The following TMEM231 variants were observed in gnomAD, a reference collection of about 807,000 sequenced individuals.
TMEM231 encodes the protein transmembrane protein 231.
A neutral mutation model predicts 38.5 loss-of-function variants in TMEM231; 40 were observed. The ratio of observed to expected loss-of-function variants is 1.04; its 90% CI spans 0.81 to 1.35. TMEM231 has a LOEUF of 1.35. Among genes scored for constraint, TMEM231 ranks in the 40% most tolerant of loss-of-function variants. The pLI, the probability that TMEM231 is intolerant of heterozygous loss-of-function variation, is 0.00. For missense variants in TMEM231, 420 were observed against 416.9 expected (o/e 1.01, Z -0.07); for synonymous variants, 199 against 181.7 (o/e 1.10, Z -0.77).
chr16:75,550,717 CTTT>C (rs35806847), intron 2 of TMEM231, among the ~76,000 whole-genome samples: 107 of 138,792 alleles, frequency 7.7e-4, no homozygotes, highest in East Asian at 2.1e-3. Flanking sequence ...AAGTCGTATT[CTTT>C]TTTTTTTTTT....
chr16:75,542,519 G>C (rs540963472), intron 5 of TMEM231, 83 bp downstream of exon 5: 2 of 1,122,410 alleles, frequency 1.8e-6, no homozygotes, highest in Non-Finnish European at 2.7e-6. Flanking sequence ...CATCACAAGG[G>C]TTCCAGTTCT....
chr16:75,542,810 C>G lies in TMEM231; in HGVS notation c.583-127G>C, dbSNP rs1482614741. The stretch of plus-strand genomic sequence containing the variant: ...TGTTCTTGGTGGCCTACTGCAGTAT[C>G]AATAATCTTTTCTTCAAAGATGAAT... On this transcript the variant is annotated intron_variant, in intron 4 of 6. Coordinates refer to ENST00000258173, the MANE Select transcript of TMEM231 (RefSeq NM_001077418.3). 3 of 688,794 alleles carry G rather than the reference C, an allele frequency of 4.4e-6. No homozygotes were observed. In the African/African-American group the frequency reaches 5.5e-5, roughly 13 times the overall value. The allele number at this position is 688,794 out of a possible 1,614,324, so 42.7% of individuals were successfully genotyped here. A position where few individuals can be genotyped will look rare whatever the true frequency, so the allele number is the denominator to read the frequency against.
At chr16:75,540,210 TTAAG>T (rs1411947142) in intron 6 of TMEM231, 36 bp from the exon 7 acceptor site, 1 of 1,570,498 alleles carries the variant, frequency 6.4e-7, no homozygotes, top group Non-Finnish European at 8.6e-7. Flanking sequence ...CCACATGGTG[TTAAG>T]TATGAAGAGA....
intron 2 of TMEM231, among the ~76,000 whole-genome samples, chr16:75,550,771 G>A (rs2080750840): frequency 6.8e-6 from 1 of 147,570 alleles, no homozygotes; most frequent in Non-Finnish European, 1.5e-5. Flanking sequence ...GTTGGAGTAT[G>A]GGTGGTGCAA....
chr16:75,544,536 C>A (rs1031530777), intron 4 of TMEM231, among the ~76,000 whole-genome samples: 6 of 152,088 alleles, frequency 3.9e-5, no homozygotes, highest in African/African-American at 1.4e-4. Context: ...GGGGAAAGGA[C>A]AATGCAGGCA....
At chr16:75,549,006 A>C (rs1480578649) in intron 2 of TMEM231, among the ~76,000 whole-genome samples, 7 of 152,204 alleles carry the variant, frequency 4.6e-5, no homozygotes. Context: ...CAGGCTAATC[A>C]GGTACATGTG....
At chr16:75,541,091 G>C (rs1349151036) in intron 6 of TMEM231, among the ~76,000 whole-genome samples, 1 of 152,056 alleles carries the variant, frequency 6.6e-6, no homozygotes, top group African/African-American at 2.4e-5. Context: ...ATCGCTCACT[G>C]CAAGCTTGAA....
Position 75,539,362 on chromosome 16 carries a change from T to C in TMEM231, c.*632A>G, listed in dbSNP as rs1217790529. ...ATCCAGGGCTGCTCAGCTGAGCTGA[T>C]GACAGATGACTGACTGTTGGGCTGG... On this transcript the variant is annotated 3_prime_UTR_variant, in exon 7 of 7. Coordinates refer to ENST00000258173, the MANE Select transcript of TMEM231 (RefSeq NM_001077418.3). 3 of 152,314 alleles carry C rather than the reference T, an allele frequency of 2.0e-5. No homozygotes were observed. Among genetic ancestry groups the C allele is most frequent in the Admixed American group, 2.0e-4 (3 of 15,284 alleles). The allele number at this position is 152,314 out of a possible 1,614,324, so 9.4% of individuals were successfully genotyped here.
chr16:75,549,029 G>A (rs562481621), intron 2 of TMEM231, among the ~76,000 whole-genome samples: 1 of 152,258 alleles, frequency 6.6e-6, no homozygotes, highest in South Asian at 2.1e-4. Flanking sequence ...CTGGGTACCC[G>A]TGGGATCAAT....
At position 75,541,343 on chromosome 16, in the gene TMEM231, A is replaced by G; in HGVS notation, c.770+7T>C. 1 of 1,597,126 alleles carries G rather than the reference A, an allele frequency of 6.3e-7. No homozygotes were observed. The highest frequency in any genetic ancestry group is 8.6e-7 in the Non-Finnish European group (1 of 1,168,158). On this transcript the variant is annotated splice_region_variant and intron_variant, in intron 6 of 6. Transcript: ENST00000258173. ...CCTTAACATGGACTCTTTAACAGAA[A>G]GGATATGAAATGACTTCCACAGGGT...
intron 4 of TMEM231, among the ~76,000 whole-genome samples, chr16:75,543,092 A>C (rs1267565660): frequency 6.6e-6 from 1 of 151,960 alleles, no homozygotes. Flanking sequence ...ATTTTAACAG[A>C]CCGTATTTTC....
At chr16:75,546,210 T>G in intron 2 of TMEM231, 1 of 1,034,076 alleles carries the variant, frequency 9.7e-7, no homozygotes, top group African/African-American at 1.6e-5. Context: ...ACAAAAAACA[T>G]CTGGATAGTA....
chr16:75,539,895 C>T lies in TMEM231; in HGVS notation c.*99G>A, dbSNP rs371104425. 3.9e-5 allele frequency: 41 copies of T among 1,053,172 alleles called. No homozygotes were observed. The highest frequency in any genetic ancestry group is 3.3e-4 in the African/African-American group (21 of 62,734). The allele number at this position is 1,053,172 out of a possible 1,614,324, so 65.2% of individuals were successfully genotyped here. On this transcript the variant is annotated 3_prime_UTR_variant, in exon 7 of 7. Coordinates refer to ENST00000258173, the MANE Select transcript of TMEM231 (RefSeq NM_001077418.3). ...TCTCTGAGGGAAAAGCACACAAGCC[C>T]GCAGGTGTCCGCTGGGCTCTTTCAA...
intron 4 of TMEM231, among the ~76,000 whole-genome samples, 161 bp downstream of exon 4, chr16:75,545,191 A>C (rs1308161242): frequency 6.6e-6 from 1 of 151,990 alleles, no homozygotes; most frequent in Non-Finnish European, 1.5e-5. Flanking sequence ...CCGGACCTCA[A>C]GTGATCCATC....
intron 2 of TMEM231, 153 bp from the exon 3 acceptor site, chr16:75,546,107 G>A (rs1567436932): frequency 1.3e-6 from 2 of 1,540,134 alleles, no homozygotes; most frequent in South Asian, 1.2e-5. Flanking sequence ...AGATGTAAGT[G>A]CATTAATACT....
Position 75,545,478 on chromosome 16 carries a change from C to T in TMEM231, c.456G>A (p.Val152=), listed in dbSNP as rs571562822. The change falls in exon 4 of 7, where the codon GTG becomes GTA. Residue 152 remains valine (V), a synonymous_variant. Coordinates refer to ENST00000258173, the MANE Select transcript of TMEM231 (RefSeq NM_001077418.3). ...SYRLHRMATL[V]MQSMAFLQSS... ...ACTGGAGAAACGCCATGCTCTGCAT[C>T]ACGAGGGTCGCCATCCTCTGAAATC... 1.6e-5 allele frequency: 25 copies of T among 1,574,174 alleles called. No individual in the cohort carries two copies. The highest frequency in any genetic ancestry group is 3.5e-4 in the Middle Eastern group (2 of 5,706).
At chr16:75,543,254 C>CAAAAAAAAATAAAAAT (rs1567435465) in intron 4 of TMEM231, among the ~76,000 whole-genome samples, 1 of 147,700 alleles carries the variant, frequency 6.8e-6, no homozygotes, top group Non-Finnish European at 1.5e-5. Context: ...CTTCATCTCT[C>CAAAAAAAAATAAAAAT]AAAAAAAAAT....
rs778437387 is a variant in TMEM231 at position 75,552,871 on chromosome 16, T to C, written c.309+2933A>G. On this transcript the variant is annotated intron_variant, in intron 2 of 6. Transcript: ENST00000258173. ...TTAGAAACACGGTACTCTCCACTCA[T>C]CCTCTGGAATCCTTCTATAACCTTC... Among the ~76,000 whole-genome samples, 100 of 152,144 alleles carry C rather than the reference T, an allele frequency of 6.6e-4. 2 individuals are homozygous for C. Among genetic ancestry groups the C allele is most frequent in the Non-Finnish European group, 2.9e-4 (20 of 68,018 alleles).
Position 75,553,508 on chromosome 16 carries a change from G to C in TMEM231, c.309+2296C>G, listed in dbSNP as rs572677265. On this transcript the variant is annotated intron_variant, in intron 2 of 6. Transcript: ENST00000258173. The stretch of plus-strand genomic sequence containing the variant: ...GTGGTGGTGCATGCCTGCAGTCCCA[G>C]CTACTTGGAAGGCTGAGGCGAGAGG... 2.0e-5 allele frequency among the ~76,000 whole-genome samples: 3 copies of C among 151,582 alleles called. No individual in the cohort carries two copies. The East Asian group carries it at 5.9e-4, about 30-fold the overall frequency.
Sources: allele counts gnomAD v4.1 joint callset (sites outside exome capture counted in the v4.1 genomes callset), GRCh38; gene constraint gnomAD v4.1.1; transcripts MANE v1.5; gene names NCBI Gene and HGNC (gene_info 2026-07-23, HGNC 2026-07-21).